The following SYNE2 variants were observed in gnomAD, a reference collection of about 807,000 sequenced individuals.
SYNE2 encodes the protein nesprin-2.
In SYNE2, 431 loss-of-function variants were observed where a neutral mutation model predicts 856.3. The observed-to-expected ratio is 0.50, with a 90% confidence interval of 0.47 to 0.55. The LOEUF is 0.55. SYNE2 is among the 20% of genes least tolerant of loss of function. The probability of loss-of-function intolerance (pLI) is 0.00; values close to 1 mark genes in which losing one functional copy is unlikely to be tolerated. For synonymous variants in SYNE2, 2,923 were observed against 2,872.3 expected, an observed-to-expected ratio of 1.02 and a Z score of -0.56; for missense variants, 8,129 against 8,023.2, an observed-to-expected ratio of 1.01 and a Z score of -0.50.
chr14:64,205,580 C>T (rs1192268683), intron 100 of SYNE2, among the ~76,000 whole-genome samples: 1 of 152,214 alleles, frequency 6.6e-6, no homozygotes, highest in African/African-American at 2.4e-5. Context: ...AGCTAAGAGC[C>T]ATGATGTCCC....
intron 77 of SYNE2, among the ~76,000 whole-genome samples, chr14:64,133,828 A>G (rs534787915): frequency 5.9e-5 from 9 of 152,232 alleles, no homozygotes; most frequent in African/African-American, 9.6e-5. Context: ...CAAGACAAGC[A>G]TAAAACACTA....
chr14:63,948,166 TACACACACACACAC>T (rs59063086), intron 6 of SYNE2, among the ~76,000 whole-genome samples: 2 of 147,252 alleles, frequency 1.4e-5, no homozygotes, highest in African/African-American at 2.6e-5. Flanking sequence ...GACACACACA[TACACACACACACAC>T]ACACACACAC....
In SYNE2 at chr14:64,084,709, G is replaced by A. The variant is rs575322656; in HGVS notation, c.11485-2962G>A. ...TTTGAGCTATATATTAGCTATTTTT[G>A]TGTAACATATTACTCCATAAGTTAG... On this transcript the variant is annotated intron_variant, in intron 57 of 115. Coordinates refer to ENST00000555002, the MANE Select transcript of SYNE2 (RefSeq NM_182914.3). 2.1e-5 allele frequency: 9 copies of A among 423,014 alleles called. No individual in the cohort carries two copies. The South Asian group carries it at 3.1e-4, about 15-fold the overall frequency. 26.2% of individuals were successfully genotyped at this position (423,014 alleles called of 1,614,324 possible). A position where few individuals can be genotyped will look rare whatever the true frequency, so the allele number is the denominator to read the frequency against.
chr14:64,166,863 G>GC (rs1463410690), intron 90 of SYNE2: 2 of 271,696 alleles, frequency 7.4e-6, no homozygotes. Context: ...AACCCAGGAG[G>GC]CGGAGGTTGC....
chr14:63,945,000 G>A (rs1595793785), intron 6 of SYNE2, among the ~76,000 whole-genome samples: 1 of 149,710 alleles, frequency 6.7e-6, no homozygotes, highest in African/African-American at 2.5e-5. Context: ...TAGAGACTGA[G>A]TTTCACCATG....
At chr14:63,768,972 CA>C (rs1258915477) in intron 1 of SYNE2, among the ~76,000 whole-genome samples, 3 of 151,992 alleles carry the variant, frequency 2.0e-5, no homozygotes, top group African/African-American at 7.2e-5. Context: ...TAGGTCTAGC[CA>C]ATAAGATTAG....
At chr14:63,917,927 A>G (rs911102980) in intron 2 of SYNE2, among the ~76,000 whole-genome samples, 3 of 151,868 alleles carry the variant, frequency 2.0e-5, no homozygotes, top group Admixed American at 6.6e-5. Context: ...TTTGCCAGGA[A>G]TTTGGGGATA....
intron 38 of SYNE2, chr14:64,023,828 T>A (rs2096956547): frequency 8.4e-6 from 2 of 238,032 alleles, no homozygotes; most frequent in Middle Eastern, 1.6e-3. Context: ...TCTAACAATT[T>A]GAAGTCTCAT....
intron 107 of SYNE2, 65 bp downstream of exon 107, chr14:64,215,419 C>G: frequency 6.6e-7 from 1 of 1,507,354 alleles, no homozygotes; most frequent in Non-Finnish European, 9.2e-7. Context: ...CATCCTCAAC[C>G]TCGCTCCCAT....
intron 51 of SYNE2, among the ~76,000 whole-genome samples, chr14:64,068,537 T>C (rs757028214): frequency 1.3e-5 from 2 of 152,120 alleles, no homozygotes; most frequent in Non-Finnish European, 2.9e-5. Context: ...AGTTGAAGAA[T>C]TGCCTGGCTT....
chr14:64,174,688 T>A (rs2098425795), intron 94 of SYNE2, among the ~76,000 whole-genome samples: 1 of 152,248 alleles, frequency 6.6e-6, no homozygotes, highest in Admixed American at 6.5e-5. Flanking sequence ...GTGCTGCTAA[T>A]CATTACACTG....
At chr14:64,034,635 T>C (rs1222878896) in intron 45 of SYNE2, 4 of 480,628 alleles carry the variant, frequency 8.3e-6, no homozygotes, top group East Asian at 3.1e-5. Context: ...TTTTCTTTAA[T>C]ATTGGAAATG....
chr14:64,139,565 C>T (rs1404841011), intron 79 of SYNE2, among the ~76,000 whole-genome samples: 1 of 152,054 alleles, frequency 6.6e-6, no homozygotes, highest in Non-Finnish European at 1.5e-5. Context: ...GCGCCTGCCA[C>T]CATGCCTGGG....
At chr14:63,798,763 C>T (rs1888016970) in intron 1 of SYNE2, among the ~76,000 whole-genome samples, 1 of 152,096 alleles carries the variant, frequency 6.6e-6, no homozygotes, top group Admixed American at 6.6e-5. Context: ...GATATTATTT[C>T]ACTATTATCT....
At chr14:64,173,974 G>A (rs1023015135) in intron 94 of SYNE2, 5 of 691,528 alleles carry the variant, frequency 7.2e-6, no homozygotes, top group South Asian at 4.6e-5. Flanking sequence ...CACTGCCTGC[G>A]GAGCGGCCCT....
chr14:63,790,464 T>C (rs1342669995), intron 1 of SYNE2, among the ~76,000 whole-genome samples: 2 of 152,342 alleles, frequency 1.3e-5, no homozygotes, highest in East Asian at 1.9e-4. Context: ...CCCTCCGCCA[T>C]GTATATTTCT....
At chr14:64,220,730 G>C (rs2098690454) in intron 111 of SYNE2, 93 bp downstream of exon 111, 2 of 1,424,018 alleles carry the variant, frequency 1.4e-6, no homozygotes, top group Admixed American at 1.9e-5. Flanking sequence ...GGCTGCTTCC[G>C]TGCAGCCAAA....
intron 85 of SYNE2, among the ~76,000 whole-genome samples, chr14:64,155,785 G>A (rs188885504): frequency 3.2e-4 from 49 of 152,266 alleles, no homozygotes; most frequent in Admixed American, 5.9e-4. Context: ...AAAGTTAGCC[G>A]GATGTGGTGG....
At chr14:64,047,856 A>C in intron 45 of SYNE2, 144 bp from the exon 46 acceptor site, 1 of 866,142 alleles carries the variant, frequency 1.2e-6, no homozygotes, top group African/African-American at 1.7e-5. Flanking sequence ...ATATGGAAAA[A>C]TCATCTTTCG....
Sources: allele counts gnomAD v4.1 joint callset (sites outside exome capture counted in the v4.1 genomes callset), GRCh38; gene constraint gnomAD v4.1.1; transcripts MANE v1.5; gene names NCBI Gene and HGNC (gene_info 2026-07-23, HGNC 2026-07-21).